Variants in USP24 observed in about 807,000 individuals in gnomAD.
The protein encoded by USP24 is ubiquitin carboxyl-terminal hydrolase 24.
A neutral mutation model predicts 361.6 loss-of-function variants in USP24; 97 were observed. That is an observed-to-expected ratio of 0.27 (90% confidence interval 0.23 to 0.32). The LOEUF (loss-of-function observed/expected upper bound fraction) is 0.32, where lower values mean the gene tolerates loss of function less well. Ranked by LOEUF, USP24 falls within the 10% of genes least tolerant of loss-of-function variation. USP24 has a pLI of 1.00. For missense variants in USP24, 2,353 were observed against 3,165.6 expected, an observed-to-expected ratio of 0.74 and a Z score of 6.16; for synonymous variants, 1,098 against 1,124.6, an observed-to-expected ratio of 0.98 and a Z score of 0.47.
At chr1:55,158,785 A>G (rs1048020932) in intron 10 of USP24, 93 bp downstream of exon 10, 5 of 1,093,714 alleles carry the variant, frequency 4.6e-6, no homozygotes, top group Non-Finnish European at 5.9e-6. Context: ...TAAATTATTC[A>G]TATTTCCCAA....
chr1:55,179,325 T>TCAG (rs1403269341), intron 1 of USP24, among the ~76,000 whole-genome samples: 1 of 152,192 alleles, frequency 6.6e-6, no homozygotes, highest in Non-Finnish European at 1.5e-5. Context: ...ATCAAATACT[T>TCAG]CAGTTCCTCA....
At chr1:55,106,363 C>A in intron 40 of USP24, 100 bp from the exon 41 acceptor site, 1 of 827,802 alleles carries the variant, frequency 1.2e-6, no homozygotes, top group East Asian at 2.6e-5. Context: ...GTACCCAATG[C>A]CACCCAATAG....
chr1:55,100,177 T>C (rs1052094076), intron 44 of USP24, among the ~76,000 whole-genome samples: 9 of 152,210 alleles, frequency 5.9e-5, no homozygotes, highest in East Asian at 3.9e-4. Flanking sequence ...CTCCAATATG[T>C]GAAACACAGT....
At chr1:55,121,188 T>C (rs569584208) in intron 37 of USP24, among the ~76,000 whole-genome samples, 26 of 152,312 alleles carry the variant, frequency 1.7e-4, no homozygotes, top group South Asian at 1.7e-3. Flanking sequence ...GGTTGTAACG[T>C]TGTTATAAAC....
intron 59 of USP24, 39 bp from the exon 60 acceptor site, chr1:55,079,698 C>A: frequency 1.3e-6 from 2 of 1,516,522 alleles, no homozygotes; most frequent in Non-Finnish European, 1.7e-6. Context: ...ACCTGTCTCA[C>A]CTGGTGTTAC....
rs1645547724 is a variant in USP24 at position 55,098,474 on chromosome 1, A to G, written c.5453+2T>C. 1 of 1,609,230 alleles carries G rather than the reference A, an allele frequency of 6.2e-7. No homozygotes were observed. The highest frequency in any genetic ancestry group is 1.7e-5 in the Admixed American group (1 of 59,774). ...TCCTGTGTCGGTGATATCTTCACTCACCTGTGAGGACAGTCTTTACAGATC... is the reference window on the plus strand; with the variant it reads ...TCCTGTGTCGGTGATATCTTCACTCGCCTGTGAGGACAGTCTTTACAGATC... On this transcript the variant is annotated splice_donor_variant, in intron 46 of 67. Transcript: ENST00000294383. LOFTEE classifies it high-confidence loss of function.
chr1:55,078,650 A>G lies in USP24; in HGVS notation c.7202T>C (p.Val2401Ala). The G allele has an allele frequency of 1.9e-6, 3 of 1,602,630 alleles. No individual in the cohort carries two copies. Among genetic ancestry groups the G allele is most frequent in the Non-Finnish European group, 1.7e-6 (2 of 1,176,664 alleles). ...TGTCAGCTCCCGCAAAGCAAACATT[A>G]CCTGGTGGGAAGACATAACACAGTC... Reference protein sequence around the residue: ...MSEGKPYLLEVMFALRELTGS... With the variant: ...MSEGKPYLLEAMFALRELTGS... Residue 2401 changes from valine (V) to alanine (A), a missense_variant and splice_region_variant, in exon 61 of 68, where the codon GTA becomes GCA. Coordinates refer to ENST00000294383, the MANE Select transcript of USP24 (RefSeq NM_015306.3).
rs977825548 is a variant in USP24, at chr1:55,176,540, G to C, written c.491-97C>G. On this transcript the variant is annotated intron_variant, in intron 2 of 67. Transcript: ENST00000294383. ...ATAATACACGTTATTTAGGTCTTTG[G>C]TAGTTCGTAAAAATCATATACATCA... 7.8e-6 allele frequency: 9 copies of C among 1,160,760 alleles called. No individual in the cohort carries two copies. The African/African-American group carries it at 1.2e-4, about 16-fold the overall frequency. 71.9% of individuals were successfully genotyped at this position (1,160,760 alleles called of 1,614,324 possible). A position where few individuals can be genotyped will look rare whatever the true frequency, so the allele number is the denominator to read the frequency against.
intron 16 of USP24, among the ~76,000 whole-genome samples, chr1:55,153,373 A>G (rs1647300557): frequency 6.6e-6 from 1 of 152,208 alleles, no homozygotes. Context: ...CCCCAGCAAC[A>G]GATACTCACT....
At chr1:55,122,206 G>C (rs1646301507) in intron 36 of USP24, among the ~76,000 whole-genome samples, 2 of 152,194 alleles carry the variant, frequency 1.3e-5, no homozygotes, top group Admixed American at 1.3e-4. Context: ...AGTCTGGGCA[G>C]TGCAGGGGCA....
chr1:55,211,659 C>G (rs1293147145), intron 1 of USP24, among the ~76,000 whole-genome samples: 1 of 152,160 alleles, frequency 6.6e-6, no homozygotes, highest in Non-Finnish European at 1.5e-5. Context: ...AAATGAGAGG[C>G]TTGGACTAAG....
At chr1:55,124,686 T>G in intron 34 of USP24, 58 bp from the exon 35 acceptor site, 1 of 1,582,426 alleles carries the variant, frequency 6.3e-7, no homozygotes, top group Non-Finnish European at 8.6e-7. Flanking sequence ...TGCCCTGACA[T>G]GTACAACCTT....
At chr1:55,199,333 T>C (rs1180389318) in intron 1 of USP24, among the ~76,000 whole-genome samples, 1 of 151,906 alleles carries the variant, frequency 6.6e-6, no homozygotes, top group African/African-American at 2.4e-5. Flanking sequence ...GATTAACAGA[T>C]GCAATGCATA....
intron 1 of USP24, among the ~76,000 whole-genome samples, chr1:55,213,698 T>C (rs1197492339): frequency 2.6e-5 from 4 of 152,280 alleles, no homozygotes; most frequent in South Asian, 2.1e-4. Flanking sequence ...AGCTACTATG[T>C]TTCTGCAAAG....
chr1:55,074,850 T>C (rs1350347107), intron 63 of USP24, among the ~76,000 whole-genome samples: 1 of 152,036 alleles, frequency 6.6e-6, no homozygotes, highest in Non-Finnish European at 1.5e-5. Flanking sequence ...AAAAAGGCCC[T>C]AAATCTCTTA....
At chr1:55,141,552 AACAC>A in intron 24 of USP24, 60 bp downstream of exon 24, 1 of 1,395,930 alleles carries the variant, frequency 7.2e-7, no homozygotes, top group South Asian at 1.3e-5. Context: ...CTACATAAAA[AACAC>A]CAATCATTTT....
At position 55,110,262 on chromosome 1, in the gene USP24, G is replaced by A; in HGVS notation, c.4509-16C>T. 1.3e-6 allele frequency: 2 copies of A among 1,508,866 alleles called. No homozygotes were observed. Among genetic ancestry groups the A allele is most frequent in the East Asian group, 2.5e-5 (1 of 39,748 alleles). The allele number at this position is 1,508,866 out of a possible 1,614,324, so 93.5% of individuals were successfully genotyped here. ...AGATAACAGTCTAAAAAACAGAAAG[G>A]TTTCAGTTACTAATAAGAGGCTGAT... is the stretch of plus-strand genomic sequence containing the variant. On this transcript the variant is annotated splice_polypyrimidine_tract_variant and intron_variant, in intron 38 of 67. Transcript: ENST00000294383.
Position 55,132,595 on chromosome 1 carries a change from G to T in USP24, c.3487C>A (p.Arg1163=), listed in dbSNP as rs1214216907. 1.9e-6 allele frequency: 3 copies of T among 1,613,556 alleles called. No individual in the cohort carries two copies. The highest frequency in any genetic ancestry group is 2.5e-6 in the Non-Finnish European group (3 of 1,179,718). The change falls in exon 31 of 68, where the codon CGA becomes AGA. Residue 1163 remains arginine, a synonymous_variant. Coordinates refer to ENST00000294383, the MANE Select transcript of USP24 (RefSeq NM_015306.3). ...SASSILESLF[R]SFAPGMSTFR... ...GTAGACATTCCCGGGGCAAAAGATC[G>T]AAACAGACTTTCTAAAATTGAACTG...
intron 38 of USP24, among the ~76,000 whole-genome samples, chr1:55,116,490 C>T (rs909252230): frequency 5.3e-5 from 8 of 151,918 alleles, no homozygotes; most frequent in Non-Finnish European, 1.0e-4. Context: ...GGGTACATAA[C>T]TACCAATTTT....
Sources: allele counts gnomAD v4.1 joint callset (sites outside exome capture counted in the v4.1 genomes callset), GRCh38; gene constraint gnomAD v4.1.1; transcripts MANE v1.5; gene names NCBI Gene and HGNC (gene_info 2026-07-23, HGNC 2026-07-21).